Variants in TTC38 observed in about 807,000 individuals in gnomAD.
TTC38 encodes the protein tetratricopeptide repeat domain 38.
Under a neutral mutation model 64.2 loss-of-function variants are expected in TTC38, and 64 were observed. That is an observed-to-expected ratio of 1.00 (90% CI 0.81 to 1.23). The LOEUF is 1.23. Ranked by LOEUF, TTC38 falls within the 50% of genes most tolerant of loss-of-function variation. TTC38 has a pLI of 0.00. For synonymous variants in TTC38, 254 were observed against 249.3 expected (o/e 1.02, Z -0.18); for missense variants, 573 against 615.5 (o/e 0.93, Z 0.73).
In TTC38 at chr22:46,275,264, T is replaced by G; in HGVS notation, c.382T>G (p.Cys128Gly). Residue 128 changes from cysteine (C) to glycine (G), a missense_variant, in exon 5 of 14, where the codon TGT (cysteine) becomes GGT (glycine). Coordinates refer to ENST00000381031, the MANE Select transcript of TTC38 (RefSeq NM_017931.4). This position sits in a 1 kb window ranked among gnomAD's most constrained non-coding sequence, Gnocchi z 4.5. The part of the protein sequence containing the change: ...TFANGNFPKA[C>G]ELWEQILQDH... ...GGTTTCCAGGAACTTTCCGAAAGCC[T>G]GTGAACTATGGGAACAGATTCTCCA... The G allele has an allele frequency of 6.2e-7, 1 of 1,613,640 alleles. No homozygotes were observed.
intron 5 of TTC38, among the ~76,000 whole-genome samples, 165 bp from the exon 6 acceptor site, chr22:46,278,421 G>A (rs1373966552): frequency 1.3e-5 from 2 of 152,090 alleles, no homozygotes; most frequent in Admixed American, 6.5e-5. Flanking sequence ...CCCTAATCCC[G>A]TATGACCTCC....
chr22:46,273,870 C>G lies in TTC38; in HGVS notation c.194-28C>G. 1 of 1,612,770 alleles carries G rather than the reference C, an allele frequency of 6.2e-7. No homozygotes were observed. ...ATGGGCTGAGCTGGACCATCTGAAC[C>G]ACCAGCCGTTCTCTAACCTCCCACC... On this transcript the variant is annotated intron_variant, in intron 3 of 13. Coordinates refer to ENST00000381031, the MANE Select transcript of TTC38 (RefSeq NM_017931.4). The surrounding 1 kb of genome is among the most constrained non-coding windows in gnomAD (Gnocchi z 5.1).
intron 8 of TTC38, among the ~76,000 whole-genome samples, chr22:46,284,859 A>AC: frequency 8.4e-6 from 1 of 118,344 alleles, no homozygotes; most frequent in African/African-American, 3.2e-5. Context: ...ACAGAGTGAG[A>AC]CCCCATCTCA....
intron 9 of TTC38, among the ~76,000 whole-genome samples, chr22:46,286,218 C>G (rs934286119): frequency 2.0e-5 from 3 of 152,044 alleles, no homozygotes; most frequent in African/African-American, 7.2e-5. Context: ...GCCTGACTCA[C>G]AGCTCCCAAG....
chr22:46,285,316 C>T, intron 9 of TTC38, 37 bp downstream of exon 9: 1 of 1,610,768 alleles, frequency 6.2e-7, no homozygotes, highest in African/African-American at 1.3e-5. Flanking sequence ...TTTGTTGCAG[C>T]ATTTTGCCTT....
At chr22:46,289,692 C>T (rs2077599002) in intron 12 of TTC38, 131 bp downstream of exon 12, 9 of 1,454,576 alleles carry the variant, frequency 6.2e-6, no homozygotes, top group Non-Finnish European at 7.7e-6. Context: ...CACACTCCCG[C>T]CGTGTAAGTT....
In TTC38 at chr22:46,281,479, C is replaced by G; in HGVS notation, c.616-120C>G. On this transcript the variant is annotated intron_variant, in intron 6 of 13. Coordinates refer to ENST00000381031, the MANE Select transcript of TTC38 (RefSeq NM_017931.4). This position sits in a 1 kb window ranked among gnomAD's most constrained non-coding sequence, Gnocchi z 5.2. ...TGTTTTGAGTCAGAGCCCCGCCCCC[C>G]CACTTGCTCCACCCCGTTCAGCCCA... The G allele has an allele frequency of 9.0e-7, 1 of 1,112,256 alleles. No individual in the cohort carries two copies. Among genetic ancestry groups the G allele is most frequent in the Non-Finnish European group, 1.3e-6 (1 of 771,300 alleles). 68.9% of individuals were successfully genotyped at this position (1,112,256 alleles called of 1,614,324 possible).
At chr22:46,280,284 G>T (rs1215622301) in intron 6 of TTC38, 2 of 452,978 alleles carry the variant, frequency 4.4e-6, no homozygotes, top group Middle Eastern at 3.6e-4. Flanking sequence ...GTGGCTCAAT[G>T]GGTGGAGGCT....
intron 9 of TTC38, among the ~76,000 whole-genome samples, chr22:46,286,162 C>T (rs1280275178): frequency 2.0e-5 from 3 of 152,020 alleles, no homozygotes; most frequent in Non-Finnish European, 2.9e-5. Flanking sequence ...TTCCTCCTCC[C>T]CAGGCCCAGG....
Position 46,271,980 on chromosome 22 carries a change from A to G in TTC38, c.112-355A>G, listed in dbSNP as rs190498406. The stretch of plus-strand genomic sequence containing the variant: ...TACTCAGTGTTCTACAAAGAAAAAC[A>G]AATCTGGATTTATTTTTATTTTTTG... On this transcript the variant is annotated intron_variant, in intron 2 of 13. Transcript: ENST00000381031. This position sits in a 1 kb window ranked among gnomAD's most constrained non-coding sequence, Gnocchi z 5.5. Among the ~76,000 whole-genome samples, 8 of 152,198 alleles carry G rather than the reference A, an allele frequency of 5.3e-5. No individual in the cohort carries two copies. The East Asian group carries it at 1.6e-3, about 30-fold the overall frequency.
At chr22:46,268,448 G>T in intron 1 of TTC38, 66 bp from the exon 2 acceptor site, 1 of 1,516,526 alleles carries the variant, frequency 6.6e-7, no homozygotes, top group Non-Finnish European at 9.1e-7. Context: ...CAGGAGACGT[G>T]TGTGTGTTGA....
Position 46,274,209 on chromosome 22 carries a change from G to GA in TTC38, c.365+144dup, listed in dbSNP as rs1936960189. The GA allele has an allele frequency of 1.3e-6, 1 of 755,788 alleles. No homozygotes were observed. Among genetic ancestry groups the GA allele is most frequent in the South Asian group, 1.8e-5 (1 of 54,620 alleles). The allele number at this position is 755,788 out of a possible 1,614,324, so 46.8% of individuals were successfully genotyped here. On this transcript the variant is annotated intron_variant, in intron 4 of 13. Coordinates refer to ENST00000381031, the MANE Select transcript of TTC38 (RefSeq NM_017931.4). This position sits in a 1 kb window ranked among gnomAD's most constrained non-coding sequence, Gnocchi z 4.8. The stretch of plus-strand genomic sequence containing the variant: ...CCCTGCCTCCTGAGATGCTCTGATG[G>GA]AAAATCGCATCCTGTCTGCTTCCCT...
rs923581909 is a variant in TTC38 at position 46,293,110 on chromosome 22, C to T, written c.*226C>T. 1.3e-5 allele frequency: 7 copies of T among 534,784 alleles called. No individual in the cohort carries two copies. The highest frequency in any genetic ancestry group is 2.1e-5 in the Non-Finnish European group (6 of 292,528). 33.1% of individuals were successfully genotyped at this position (534,784 alleles called of 1,614,324 possible). A position where few individuals can be genotyped will look rare whatever the true frequency, so the allele number is the denominator to read the frequency against. On this transcript the variant is annotated 3_prime_UTR_variant, in exon 14 of 14. Coordinates refer to ENST00000381031, the MANE Select transcript of TTC38 (RefSeq NM_017931.4). This position sits in a 1 kb window ranked among gnomAD's most constrained non-coding sequence, Gnocchi z 6.6. ...GCCAATGAGCATTTTTCAGCAGTCA[C>T]AGCCAGTGTGAGTGCTGCTCTTTCC...
rs377307740 is a variant in TTC38 at position 46,273,940 on chromosome 22, C to T, written c.236C>T (p.Thr79Ile). The T allele has an allele frequency of 2.8e-5, 46 of 1,614,122 alleles. 1 individual carries two copies. In the East Asian group the frequency reaches 3.3e-4, roughly 12 times the overall value. ...AMATGLVLIG[T>I]GSSVKLDKEL... ...GCTACTGGCCTTGTGCTGATTGGCA[C>T]TGGAAGCTCCGTGAAGCTGGACAAA... is the stretch of plus-strand genomic sequence containing the variant. The change falls in exon 4 of 14, where the codon ACT (threonine) becomes ATT (isoleucine). Residue 79 changes from threonine to isoleucine, a missense_variant. Physicochemically the swap from Thr to Ile is moderately conservative, Grantham distance 89. Around this residue, in one of 3 missense-constraint regions of TTC38, gnomAD observed 134 missense variants for 126.5 expected, o/e 1.06. Coordinates refer to ENST00000381031, the MANE Select transcript of TTC38 (RefSeq NM_017931.4). This position sits in a 1 kb window ranked among gnomAD's most constrained non-coding sequence, Gnocchi z 5.1.
chr22:46,292,178 T>A lies in TTC38; in HGVS notation c.1317-613T>A. On this transcript the variant is annotated intron_variant, in intron 13 of 13. Transcript: ENST00000381031. This position sits in a 1 kb window ranked among gnomAD's most constrained non-coding sequence, Gnocchi z 6.5. ...TTTCACGTCTCTTCTTTCTTCTTTCTTTTTAAATTTTTTTATATTTTTAGA... is the reference window on the plus strand; with the variant it reads ...TTTCACGTCTCTTCTTTCTTCTTTCATTTTAAATTTTTTTATATTTTTAGA... 2.3e-6 allele frequency: 1 copy of A among 439,962 alleles called. No individual in the cohort carries two copies. Among genetic ancestry groups the A allele is most frequent in the Non-Finnish European group, 4.5e-6 (1 of 222,502 alleles). The allele number at this position is 439,962 out of a possible 1,614,324, so 27.3% of individuals were successfully genotyped here.
At chr22:46,279,979 G>C in intron 6 of TTC38, 1 of 377,144 alleles carries the variant, frequency 2.7e-6, no homozygotes, top group South Asian at 2.0e-5. Flanking sequence ...AAACATGCAA[G>C]CCCATGCCTT....
At chr22:46,283,877 A>G (rs2077552314) in intron 7 of TTC38, 96 bp from the exon 8 acceptor site, 2 of 651,462 alleles carry the variant, frequency 3.1e-6, no homozygotes, top group East Asian at 7.4e-5. Flanking sequence ...AAAAAAAAAA[A>G]AGATGATGGT....
At chr22:46,277,421 A>G (rs1325450208) in intron 5 of TTC38, among the ~76,000 whole-genome samples, 2 of 152,126 alleles carry the variant, frequency 1.3e-5, no homozygotes, top group Non-Finnish European at 2.9e-5. Flanking sequence ...CCTGGCCAAC[A>G]TGGTGAAACC....
At chr22:46,286,297 A>G (rs1326592083) in intron 9 of TTC38, among the ~76,000 whole-genome samples, 1 of 152,144 alleles carries the variant, frequency 6.6e-6, no homozygotes, top group Non-Finnish European at 1.5e-5. Context: ...GGATCTAAAC[A>G]TCAGAGAAAA....
Sources: allele counts gnomAD v4.1 joint callset (sites outside exome capture counted in the v4.1 genomes callset), GRCh38; gene constraint gnomAD v4.1.1; regional missense constraint gnomAD v4.1.1; non-coding constraint Gnocchi (gnomAD v3.1); transcripts MANE v1.5; gene names NCBI Gene and HGNC (gene_info 2026-07-23, HGNC 2026-07-21).